The following CSMD1 variants were observed in gnomAD, a reference collection of about 807,000 sequenced individuals.
CSMD1 encodes CUB and sushi domain-containing protein 1.
A neutral mutation model predicts 417.5 loss-of-function variants in CSMD1; 213 were observed. That is an observed-to-expected ratio of 0.51 (90% CI 0.46 to 0.57). The LOEUF (loss-of-function observed/expected upper bound fraction) is 0.57, where lower values mean the gene tolerates loss of function less well. CSMD1 is among the 20% of genes least tolerant of loss of function. The pLI is 0.00. For missense variants in CSMD1, 6,923 were observed against 4,529.7 expected (o/e 1.53, Z -15.17); for synonymous variants, 2,862 against 1,736.8 (o/e 1.65, Z -16.11).
intron 8 of CSMD1, among the ~76,000 whole-genome samples, chr8:3,606,713 ATTTT>A (rs11335642): frequency 8.9e-4 from 125 of 140,010 alleles, no homozygotes; most frequent in African/African-American, 2.2e-3. Flanking sequence ...CTTCGTTACA[ATTTT>A]TTTTTTTTTT....
At chr8:3,739,052 C>A (rs1030827374) in intron 6 of CSMD1, among the ~76,000 whole-genome samples, 2 of 152,072 alleles carry the variant, frequency 1.3e-5, no homozygotes, top group Non-Finnish European at 2.9e-5. Flanking sequence ...TAGTTATGTT[C>A]TTACATTTCA....
At chr8:4,154,023 A>G (rs1270262901) in intron 3 of CSMD1, among the ~76,000 whole-genome samples, 1 of 152,166 alleles carries the variant, frequency 6.6e-6, no homozygotes, top group African/African-American at 2.4e-5. Flanking sequence ...TTTGCACCGT[A>G]TTTTCAGCTT....
intron 12 of CSMD1, among the ~76,000 whole-genome samples, chr8:3,429,430 G>T (rs1814068070): frequency 6.6e-6 from 1 of 152,174 alleles, no homozygotes; most frequent in Non-Finnish European, 1.5e-5. Flanking sequence ...TGACCCAAGG[G>T]AAATGGAAGC....
At chr8:4,403,438 G>A (rs979380593) in intron 3 of CSMD1, among the ~76,000 whole-genome samples, 2 of 151,968 alleles carry the variant, frequency 1.3e-5, no homozygotes, top group Non-Finnish European at 2.9e-5. Flanking sequence ...CCTGCCATTC[G>A]ACTCAAAATG....
At chr8:4,774,409 C>T (rs573019039) in intron 1 of CSMD1, among the ~76,000 whole-genome samples, 3 of 152,056 alleles carry the variant, frequency 2.0e-5, no homozygotes, top group South Asian at 2.1e-4. Context: ...TGGAAACATC[C>T]GCATGTAAAT....
chr8:4,376,122 T>G (rs13251340), intron 3 of CSMD1, among the ~76,000 whole-genome samples: 5 of 152,182 alleles, frequency 3.3e-5, no homozygotes, highest in Admixed American at 3.3e-4. Context: ...TATCAAAAGA[T>G]ATGGAAATGC....
chr8:3,411,331 G>C (rs1299023299), intron 12 of CSMD1, among the ~76,000 whole-genome samples: 1 of 151,600 alleles, frequency 6.6e-6, no homozygotes, highest in African/African-American at 2.4e-5. Flanking sequence ...TCTTTGTGGG[G>C]TATTTTTTAG....
At chr8:3,975,515 C>T (rs977944408) in intron 5 of CSMD1, among the ~76,000 whole-genome samples, 2 of 152,128 alleles carry the variant, frequency 1.3e-5, no homozygotes, top group Non-Finnish European at 2.9e-5. Flanking sequence ...AAACTTCATC[C>T]ACAGGTTGCT....
At chr8:4,310,976 G>A (rs1258511053) in intron 3 of CSMD1, among the ~76,000 whole-genome samples, 1 of 152,304 alleles carries the variant, frequency 6.6e-6, no homozygotes, top group East Asian at 1.9e-4. Flanking sequence ...CAGTCGGAAT[G>A]GCTACTGAAA....
intron 1 of CSMD1, among the ~76,000 whole-genome samples, chr8:4,661,879 G>A (rs1049379925): frequency 2.0e-5 from 3 of 152,172 alleles, no homozygotes; most frequent in African/African-American, 7.2e-5. Flanking sequence ...AAGGACGGTA[G>A]CATGCTGAGA....
At chr8:4,733,382 A>G (rs1810024989) in intron 1 of CSMD1, among the ~76,000 whole-genome samples, 1 of 152,210 alleles carries the variant, frequency 6.6e-6, no homozygotes, top group Non-Finnish European at 1.5e-5. Flanking sequence ...GGTTATAGTG[A>G]CTCATGCCCA....
intron 4 of CSMD1, among the ~76,000 whole-genome samples, chr8:4,011,760 T>A (rs1333502993): frequency 6.6e-6 from 1 of 152,200 alleles, no homozygotes; most frequent in Non-Finnish European, 1.5e-5. Context: ...TCCCAGTGGT[T>A]ACATCTTATA....
At chr8:3,316,468 C>T (rs923485542) in intron 23 of CSMD1, among the ~76,000 whole-genome samples, 2 of 151,958 alleles carry the variant, frequency 1.3e-5, no homozygotes, top group African/African-American at 2.4e-5. Flanking sequence ...CTATGGTTTG[C>T]GTGAAGGTTG....
chr8:3,596,028 C>A (rs151277199), intron 8 of CSMD1, among the ~76,000 whole-genome samples: 9 of 150,746 alleles, frequency 6.0e-5, no homozygotes, highest in African/African-American at 2.2e-4. Flanking sequence ...TTGAGGAGAG[C>A]AACGTCAGTG....
chr8:3,851,588 G>A (rs1366291837), intron 5 of CSMD1, among the ~76,000 whole-genome samples: 1 of 152,178 alleles, frequency 6.6e-6, no homozygotes, highest in Non-Finnish European at 1.5e-5. Context: ...CCAAGGGAGG[G>A]CAGGGTTGTC....
chr8:4,222,440 G>A (rs1448586074), intron 3 of CSMD1, among the ~76,000 whole-genome samples: 4 of 151,322 alleles, frequency 2.6e-5, no homozygotes, highest in Non-Finnish European at 5.9e-5. Flanking sequence ...TGAGGTCTTT[G>A]TGCATTGTGT....
chr8:3,477,789 T>G (rs1366808270), intron 11 of CSMD1, among the ~76,000 whole-genome samples: 2 of 152,064 alleles, frequency 1.3e-5, no homozygotes, highest in Non-Finnish European at 2.9e-5. Context: ...GCAAGTAAAG[T>G]GAGTTACACG....
chr8:3,676,276 A>G lies in CSMD1; in HGVS notation c.1009+32138T>C, dbSNP rs79943955. On this transcript the variant is annotated intron_variant, in intron 7 of 69. Coordinates refer to ENST00000635120, the MANE Select transcript of CSMD1 (RefSeq NM_033225.6). ...TTTTGATCCCTGGCCCTAAGTATTT[A>G]CCAACTCTGTGGCCCTGGGGCAAGT... Among the ~76,000 whole-genome samples, 134 of 152,296 alleles carry G rather than the reference A, an allele frequency of 8.8e-4. 1 individual carries two copies. The highest frequency in any genetic ancestry group is 1.7e-3 in the Non-Finnish European group (117 of 68,030).
At chr8:4,588,571 G>C (rs976527181) in intron 2 of CSMD1, among the ~76,000 whole-genome samples, 2 of 151,928 alleles carry the variant, frequency 1.3e-5, no homozygotes, top group Non-Finnish European at 2.9e-5. Context: ...GAGTCTGGCG[G>C]ATCAGCAGAT....
Sources: allele counts gnomAD v4.1 joint callset (sites outside exome capture counted in the v4.1 genomes callset), GRCh38; gene constraint gnomAD v4.1.1; transcripts MANE v1.5; gene names NCBI Gene and HGNC (gene_info 2026-07-23, HGNC 2026-07-21).